Variants in RPS6KA5 observed in about 807,000 individuals in gnomAD.
RPS6KA5 encodes the protein ribosomal protein S6 kinase A5, also known as ribosomal protein S6 kinase alpha-5.
RPS6KA5 carries 27 observed loss-of-function variants against 85.5 expected under a neutral mutation model. That is an observed-to-expected ratio of 0.32 (90% confidence interval 0.23 to 0.44). RPS6KA5 has a LOEUF of 0.44. RPS6KA5 is among the 20% of genes least tolerant of loss of function. The pLI is 1.00. For missense variants in RPS6KA5, 811 were observed against 980.9 expected (o/e 0.83, Z 2.31); for synonymous variants, 334 against 348.2 (o/e 0.96, Z 0.46).
At chr14:90,983,775 TTCTTTC>T (rs1039008276) in intron 2 of RPS6KA5, among the ~76,000 whole-genome samples, 1 of 144,212 alleles carries the variant, frequency 6.9e-6, no homozygotes, top group Admixed American at 7.1e-5. Flanking sequence ...TTTCTTTCCT[TTCTTTC>T]TTTCTTTCTC....
At chr14:90,992,650 T>C (rs752296034) in intron 2 of RPS6KA5, among the ~76,000 whole-genome samples, 1 of 152,198 alleles carries the variant, frequency 6.6e-6, no homozygotes, top group African/African-American at 2.4e-5. Flanking sequence ...GAGGAAATAA[T>C]CCCCCTTTTC....
At chr14:91,009,387 TG>T (rs1157096367) in intron 1 of RPS6KA5, among the ~76,000 whole-genome samples, 3 of 152,176 alleles carry the variant, frequency 2.0e-5, no homozygotes, top group African/African-American at 7.2e-5. Context: ...AAATTTCTGT[TG>T]TTTATAAATT....
At chr14:90,972,630 C>A (rs1038503487) in intron 3 of RPS6KA5, among the ~76,000 whole-genome samples, 4 of 152,134 alleles carry the variant, frequency 2.6e-5, no homozygotes, top group African/African-American at 9.7e-5. Context: ...AAAAATAAAA[C>A]CATGCAAGTA....
chr14:90,887,505 C>G (rs1289738884), intron 14 of RPS6KA5, among the ~76,000 whole-genome samples: 2 of 151,946 alleles, frequency 1.3e-5, no homozygotes, highest in Non-Finnish European at 2.9e-5. Flanking sequence ...CCTTTAAAAC[C>G]ACAACCACAA....
Position 90,923,207 on chromosome 14 carries a change from C to T in RPS6KA5, c.619-11G>A. ...ATATGCTCTTTCAGTCTTGAACAAA[C>T]AAACAAAAAAGGGATTTGATTTCAA... On this transcript the variant is annotated splice_polypyrimidine_tract_variant and intron_variant, in intron 5 of 16. Transcript: ENST00000614987. The T allele has an allele frequency of 6.3e-7, 1 of 1,599,266 alleles. No homozygotes were observed. Among genetic ancestry groups the T allele is most frequent in the Non-Finnish European group, 8.6e-7 (1 of 1,168,750 alleles).
intron 2 of RPS6KA5, among the ~76,000 whole-genome samples, chr14:90,979,890 T>TGA: frequency 6.6e-6 from 1 of 152,304 alleles, no homozygotes; most frequent in South Asian, 2.1e-4. Flanking sequence ...GCAAGGAGTG[T>TGA]GACTCCAGGG....
At chr14:90,966,636 C>A (rs2039076286) in intron 3 of RPS6KA5, among the ~76,000 whole-genome samples, 1 of 152,140 alleles carries the variant, frequency 6.6e-6, no homozygotes, top group South Asian at 2.1e-4. Context: ...GCCAGAAAGT[C>A]AAGTTGGGAT....
intron 1 of RPS6KA5, among the ~76,000 whole-genome samples, chr14:91,029,405 A>G (rs915361967): frequency 6.6e-6 from 1 of 152,236 alleles, no homozygotes; most frequent in African/African-American, 2.4e-5. Context: ...ACCAAAGGAC[A>G]TATCTACAAA....
intron 5 of RPS6KA5, among the ~76,000 whole-genome samples, chr14:90,934,583 G>T (rs2140328946): frequency 6.6e-6 from 1 of 152,106 alleles, no homozygotes; most frequent in African/African-American, 2.4e-5. Flanking sequence ...TATATACTTG[G>T]AAGTTTCTGT....
chr14:91,005,576 G>C (rs2040983374), intron 1 of RPS6KA5, among the ~76,000 whole-genome samples: 1 of 152,064 alleles, frequency 6.6e-6, no homozygotes, highest in African/African-American at 2.4e-5. Context: ...AAACACATAA[G>C]AAGAAATGGT....
intron 3 of RPS6KA5, among the ~76,000 whole-genome samples, chr14:90,964,213 G>C (rs1237611793): frequency 6.6e-6 from 1 of 152,202 alleles, no homozygotes; most frequent in Non-Finnish European, 1.5e-5. Context: ...GCTAAGCTGT[G>C]TATAGCAATC....
chr14:90,916,186 G>T (rs1261919283), intron 7 of RPS6KA5, among the ~76,000 whole-genome samples: 1 of 152,150 alleles, frequency 6.6e-6, no homozygotes, highest in East Asian at 1.9e-4. Flanking sequence ...AACTAAAGTT[G>T]TCCATTAATG....
rs2040936009 is a variant in RPS6KA5 at position 91,004,713 on chromosome 14, A to C, written c.104-3554T>G. 2.0e-5 allele frequency among the ~76,000 whole-genome samples: 3 copies of C among 151,914 alleles called. No individual in the cohort carries two copies. The South Asian group carries it at 6.2e-4, about 32-fold the overall frequency. ...CCGGGCGCGGTGGCTCACACCTGTA[A>C]TCCCAACACTTTGGGAGGCCGAGGC... On this transcript the variant is annotated intron_variant, in intron 1 of 16. Coordinates refer to ENST00000614987, the MANE Select transcript of RPS6KA5 (RefSeq NM_004755.4).
rs1458326628 is a variant in RPS6KA5 at position 90,853,706 on chromosome 14, G to T, written c.*18368C>A. 2 of 146,340 alleles carry T rather than the reference G, an allele frequency of 1.4e-5. No individual in the cohort carries two copies. The highest frequency in any genetic ancestry group is 2.0e-4 in the East Asian group (1 of 4,960). 9.1% of individuals were successfully genotyped at this position (146,340 alleles called of 1,614,324 possible). A position where few individuals can be genotyped will look rare whatever the true frequency, so the allele number is the denominator to read the frequency against. On this transcript the variant is annotated 3_prime_UTR_variant, in exon 17 of 17. Coordinates refer to ENST00000614987, the MANE Select transcript of RPS6KA5 (RefSeq NM_004755.4). ...AAAAAACCCTAAAATTTAACACTAT[G>T]AAGTCTCTATATTAAATCAAAATCG... is the stretch of plus-strand genomic sequence containing the variant.
intron 3 of RPS6KA5, among the ~76,000 whole-genome samples, chr14:90,960,036 CCT>C (rs1274773145): frequency 6.6e-6 from 1 of 152,164 alleles, no homozygotes; most frequent in Non-Finnish European, 1.5e-5. Flanking sequence ...TGCCACACTC[CCT>C]CTCAGCGTTT....
rs2040771208 is a variant in RPS6KA5 at position 91,001,121 on chromosome 14, T to G, written c.142A>C (p.Asn48His). ...CCTAGGACCTTCAGGAGCTCAAAAT[T>G]TTCTATTCCCACCTTCTCAGCATGT... The part of the protein sequence containing the change: ...TGHAEKVGIE[N>H]FELLKVLGTG... The change falls in exon 2 of 17, where the codon AAT becomes CAT. Residue 48 changes from asparagine to histidine, a missense_variant. Transcript: ENST00000614987. The G allele has an allele frequency of 2.5e-6, 4 of 1,603,288 alleles. No individual in the cohort carries two copies. The highest frequency in any genetic ancestry group is 3.4e-6 in the Non-Finnish European group (4 of 1,174,948).
chr14:90,969,361 C>T (rs3783832), intron 3 of RPS6KA5, among the ~76,000 whole-genome samples: 106,721 of 152,104 alleles, frequency 0.7, 37,750 homozygotes, highest in East Asian at 0.97. Flanking sequence ...TTTGACTTAA[C>T]GTTGAACTCA....
rs189347981 is a variant in RPS6KA5 at position 91,033,532 on chromosome 14, G to A, written c.103+26800C>T. On this transcript the variant is annotated intron_variant, in intron 1 of 16. Transcript: ENST00000614987. The stretch of plus-strand genomic sequence containing the variant: ...CAGGAGAATCACTTGAAACCGGGAG[G>A]CAGAGTTTGCAATGAGCCGAGATCA... Among the ~76,000 whole-genome samples the A allele has an allele frequency of 3.0e-3, 453 of 152,220 alleles. 5 individuals carry two copies. The highest frequency in any genetic ancestry group is 0.011 in the African/African-American group (438 of 41,528).
At chr14:90,992,163 A>G (rs1349019392) in intron 2 of RPS6KA5, among the ~76,000 whole-genome samples, 1 of 152,196 alleles carries the variant, frequency 6.6e-6, no homozygotes, top group African/African-American at 2.4e-5. Context: ...AAAAATTGAG[A>G]TTTTATTATA....
Sources: gnomAD v4.1 joint callset for allele counts (sites outside exome capture counted in the v4.1 genomes callset) on GRCh38, gnomAD v4.1.1 for gene constraint, MANE v1.5 for transcripts, NCBI Gene and HGNC (gene_info 2026-07-23, HGNC 2026-07-21) for gene names.